Variants in SETSIP observed in about 807,000 individuals in gnomAD.
The protein encoded by SETSIP is SET like protein, also known as protein SETSIP.
SETSIP carries 15 observed loss-of-function variants against 21.9 expected under a neutral mutation model. That is an observed-to-expected ratio of 0.69 (90% CI 0.46 to 1.06). The LOEUF is 1.06. Ranked by LOEUF, SETSIP falls within the 50% of genes least tolerant of loss-of-function variation. The pLI is 0.00. For missense variants in SETSIP, 310 were observed against 337.4 expected, an observed-to-expected ratio of 0.92 and a Z score of 0.64; for synonymous variants, 101 against 121.2, an observed-to-expected ratio of 0.83 and a Z score of 1.09.
exon 1 of SETSIP, chr1:92,075,084 C>T (rs192269043): frequency 9.9e-6 from 16 of 1,611,872 alleles, no homozygotes; most frequent in South Asian, 8.8e-5. Flanking sequence ...TCCTCCTCCC[C>T]AAGCAGTGAA....
At chr1:92,075,405 G>T in exon 1 of SETSIP, 1 of 1,580,978 alleles carries the variant, frequency 6.3e-7, no homozygotes, top group African/African-American at 1.3e-5. Context: ...TGGCGTTTAG[G>T]GGCCATGCTG....
At position 92,074,855 on chromosome 1, in the gene SETSIP, G is replaced by C. The variant is rs576393406; in HGVS notation, c.557C>G (p.Thr186Arg). ...CCTCTTCCTGCTGGCTTTATTCTGC[G>C]TTTGACTTGAACGTTTCGTCACATC... The change falls in exon 1 of 1, where the codon ACG (threonine) becomes AGG (arginine). Residue 186 changes from threonine to arginine, a missense_variant. Transcript: ENST00000596516. 19 of 1,611,494 alleles carry C rather than the reference G, an allele frequency of 1.2e-5. No homozygotes were observed. The South Asian group carries it at 2.1e-4, about 18-fold the overall frequency.
chr1:92,075,352 A>G (rs1483228409), exon 1 of SETSIP: 2 of 1,610,592 alleles, frequency 1.2e-6, no homozygotes, highest in African/African-American at 2.7e-5. Flanking sequence ...GTCCCAGAGC[A>G]GGAGGTGGTC....
chr1:92,074,610 C>T, exon 1 of SETSIP: 1 of 1,567,624 alleles, frequency 6.4e-7, no homozygotes, highest in South Asian at 1.2e-5. Context: ...TCATCCTCAT[C>T]CCCTTCATCA....
exon 1 of SETSIP, chr1:92,074,911 C>T: frequency 1.9e-6 from 3 of 1,611,742 alleles, no homozygotes; most frequent in Non-Finnish European, 2.5e-6. Context: ...TTTTGGTGGA[C>T]TTTGAAGATG....
chr1:92,074,987 TCAAAA>T lies in SETSIP; in HGVS notation c.420_424del (p.Tyr140Ter). On this transcript the variant is annotated stop_gained and frameshift_variant, in exon 1 of 1. Coordinates refer to ENST00000596516, the Ensembl canonical transcript of SETSIP. LOFTEE classifies it high-confidence loss of function. ...TTTATTTTCAAAGTAAGGATTTTCA[TCAAAA>T]TAAAAATCTATTCTGTAACCTGATT... is the stretch of plus-strand genomic sequence containing the variant. The T allele has an allele frequency of 1.9e-6, 3 of 1,611,460 alleles. No individual in the cohort carries two copies. Among genetic ancestry groups the T allele is most frequent in the East Asian group, 2.2e-5 (1 of 44,876 alleles).
rs1416625820 is a variant in SETSIP, at chr1:92,074,691, C to A, written c.721G>T (p.Glu241Ter). ...TCATCATCATCTTCTCCTCCTTCTT[C>A]ATCATCCATATCAGGAACCAAGTAA... The change falls in exon 1 of 1, where the codon GAA becomes TAA. Residue 241 changes from glutamate to a stop codon, truncating the protein, a stop_gained. Coordinates refer to ENST00000596516, the Ensembl canonical transcript of SETSIP. LOFTEE classifies it high-confidence loss of function. 6.3e-7 allele frequency: 1 copy of A among 1,595,398 alleles called. No homozygotes were observed. Among genetic ancestry groups the A allele is most frequent in the African/African-American group, 1.3e-5 (1 of 74,298 alleles).
At chr1:92,075,398 C>A in exon 1 of SETSIP, 1 of 1,587,620 alleles carries the variant, frequency 6.3e-7, no homozygotes, top group Non-Finnish European at 8.6e-7. Flanking sequence ...TGGAGACTGG[C>A]GTTTAGGGGC....
exon 1 of SETSIP, chr1:92,074,692 A>T: frequency 6.3e-7 from 1 of 1,594,840 alleles, no homozygotes; most frequent in Admixed American, 1.8e-5. Flanking sequence ...CTCCTTCTTC[A>T]TCATCCATAT....
At chr1:92,074,656 A>C in exon 1 of SETSIP, 1 of 1,579,608 alleles carries the variant, frequency 6.3e-7, no homozygotes, top group Non-Finnish European at 8.6e-7. Flanking sequence ...CATCACCATC[A>C]TCATCATCAT....
chr1:92,074,954 G>C, exon 1 of SETSIP: 1 of 1,611,458 alleles, frequency 6.2e-7, no homozygotes, highest in Non-Finnish European at 8.5e-7. Flanking sequence ...AAATTCTTTG[G>C]AGAAAACTTT....
chr1:92,074,559 C>G (rs1647795517), exon 1 of SETSIP: 41 of 1,573,528 alleles, frequency 2.6e-5, no homozygotes, highest in Non-Finnish European at 3.5e-5. Flanking sequence ...TCATCCTCCT[C>G]TCCTTCCTCC....
At chr1:92,075,194 T>C in exon 1 of SETSIP, 1 of 1,611,852 alleles carries the variant, frequency 6.2e-7, no homozygotes, top group Non-Finnish European at 8.5e-7. Flanking sequence ...GAGTTTGTTA[T>C]ATTTCTGTTC....
exon 1 of SETSIP, chr1:92,074,547 C>T: frequency 6.4e-7 from 1 of 1,572,612 alleles, no homozygotes; most frequent in Non-Finnish European, 8.6e-7. Context: ...TCATCTTCTC[C>T]TTCATCCTCC....
chr1:92,075,262 T>G, exon 1 of SETSIP: 1 of 1,612,004 alleles, frequency 6.2e-7, no homozygotes, highest in East Asian at 2.2e-5. Flanking sequence ...CATTTTGTAC[T>G]TCATCAATGT....
chr1:92,075,280 T>A, exon 1 of SETSIP: 2 of 1,612,010 alleles, frequency 1.2e-6, no homozygotes, highest in Non-Finnish European at 1.7e-6. Flanking sequence ...TGTGTTCAAT[T>A]GCTTCTTGCT....
chr1:92,075,310 C>T (rs892865314), exon 1 of SETSIP: 33 of 1,611,722 alleles, frequency 2.0e-5, no homozygotes, highest in African/African-American at 1.1e-4. Flanking sequence ...CTCCCTTCTT[C>T]GGCAAGCCTG....
rs76005638 is a variant in SETSIP, at chr1:92,074,592, C to T, written c.820G>A (p.Glu274Lys). The T allele has an allele frequency of 2.2e-3, 3,384 of 1,565,588 alleles. 134 individuals are homozygous for T. In the East Asian group the frequency reaches 0.07, roughly 32 times the overall value. Residue 274 changes from glutamate to lysine, a missense_variant, in exon 1 of 1, where the codon GAA becomes AAA. Coordinates refer to ENST00000596516, the Ensembl canonical transcript of SETSIP. ...TCCCCTTCATCATCATCTTCATCTT[C>T]TTCACCTTCATCCTCATCCCCTTCA...
rs981271454 is a variant in SETSIP at position 92,074,728 on chromosome 1, G to A, written c.684C>T (p.Asn228=). 1.9e-6 allele frequency: 3 copies of A among 1,606,458 alleles called. No homozygotes were observed. The Admixed American group carries it at 5.1e-5, about 27-fold the overall frequency. Residue 228 remains asparagine (N), a synonymous_variant, in exon 1 of 1, where the codon AAC becomes AAT. Coordinates refer to ENST00000596516, the Ensembl canonical transcript of SETSIP. Reference sequence around the variant, plus strand: ...CAGGAACCAAGTAATACTGTAATGGGTTTGGCCAAATATCATCTTTGATGA... The same window carrying A: ...CAGGAACCAAGTAATACTGTAATGGATTTGGCCAAATATCATCTTTGATGA...
Sources: gnomAD v4.1 joint callset for allele counts on GRCh38, gnomAD v4.1.1 for gene constraint, MANE v1.5 for transcripts, NCBI Gene and HGNC (gene_info 2026-07-23, HGNC 2026-07-21) for gene names.